TBC1D12: variants seen among roughly 807,000 people sequenced by gnomAD.
TBC1D12 encodes TBC1 domain family member 12.
In TBC1D12, 56 loss-of-function variants were observed where a neutral mutation model predicts 86.7. The ratio of observed to expected loss-of-function variants is 0.65; its 90% confidence interval spans 0.52 to 0.81. The LOEUF (loss-of-function observed/expected upper bound fraction) is 0.81. TBC1D12 is among the 30% of genes least tolerant of loss of function. The pLI, the probability that TBC1D12 is intolerant of heterozygous loss-of-function variation, is 0.00. For missense variants in TBC1D12, 1,023 were observed against 1,038.8 expected (o/e 0.98, Z 0.21); for synonymous variants, 421 against 411.7 (o/e 1.02, Z -0.27).
chr10:94,418,906 G>T (rs866454825), intron 1 of TBC1D12, among the ~76,000 whole-genome samples: 5 of 145,424 alleles, frequency 3.4e-5, no homozygotes, highest in Admixed American at 2.1e-4. Context: ...GCAGAGTCTC[G>T]CTCTGTTGCC....
chr10:94,516,648 A>G (rs955120879), intron 9 of TBC1D12, among the ~76,000 whole-genome samples: 8 of 140,170 alleles, frequency 5.7e-5, no homozygotes, highest in Non-Finnish European at 1.5e-5. Flanking sequence ...GTTCCCACCT[A>G]TGAGTGAGAA....
At chr10:94,462,344 A>G (rs558135282) in intron 2 of TBC1D12, among the ~76,000 whole-genome samples, 1 of 152,272 alleles carries the variant, frequency 6.6e-6, no homozygotes, top group South Asian at 2.1e-4. Flanking sequence ...CCTAAATGTA[A>G]ATATTGTGAG....
At chr10:94,480,486 G>A (rs979317749) in intron 3 of TBC1D12, among the ~76,000 whole-genome samples, 7 of 152,044 alleles carry the variant, frequency 4.6e-5, no homozygotes, top group Non-Finnish European at 7.4e-5. Context: ...CACAATAGGT[G>A]TGTGCAAGTC....
At chr10:94,476,132 T>G (rs2055984953) in intron 3 of TBC1D12, among the ~76,000 whole-genome samples, 2 of 152,112 alleles carry the variant, frequency 1.3e-5, no homozygotes, top group Admixed American at 1.3e-4. Context: ...TCTCTCTTTT[T>G]TTTTTTAAAT....
intron 6 of TBC1D12, among the ~76,000 whole-genome samples, chr10:94,503,294 A>G (rs1206069591): frequency 1.3e-5 from 2 of 152,242 alleles, no homozygotes; most frequent in Non-Finnish European, 2.9e-5. Context: ...AAGAGATTAA[A>G]ATGAATGAGA....
intron 12 of TBC1D12, among the ~76,000 whole-genome samples, chr10:94,531,849 G>T (rs1214902567): frequency 2.5e-5 from 3 of 119,558 alleles, no homozygotes; most frequent in East Asian, 2.2e-4. Context: ...TTTATTTTAT[G>T]TTATTTTATT....
intron 2 of TBC1D12, among the ~76,000 whole-genome samples, chr10:94,461,693 C>T (rs1334056577): frequency 6.6e-6 from 1 of 152,008 alleles, no homozygotes; most frequent in East Asian, 1.9e-4. Flanking sequence ...ATCAGTTTGT[C>T]AATTACAGTT....
In TBC1D12 at chr10:94,488,776, GGT is replaced by G. The variant is rs547247692; in HGVS notation, c.1212-4586_1212-4585del. Among the ~76,000 whole-genome samples the G allele has an allele frequency of 3.9e-5, 6 of 152,020 alleles. No individual in the cohort carries two copies. The East Asian group carries it at 1.2e-3, about 30-fold the overall frequency. On this transcript the variant is annotated intron_variant, in intron 3 of 12. Coordinates refer to ENST00000225235, the MANE Select transcript of TBC1D12 (RefSeq NM_015188.2). ...GGCAGCAGGTTCACTTCTATTCTAG[GGT>G]GTCTCTAGAAATGTCATCCAGGAGC...
chr10:94,520,500 G>C (rs1203200765), intron 9 of TBC1D12, among the ~76,000 whole-genome samples: 1 of 151,782 alleles, frequency 6.6e-6, no homozygotes, highest in Admixed American at 6.6e-5. Flanking sequence ...GCAGTGAGCT[G>C]AGATCACACC....
At chr10:94,403,788 A>G (rs1454822480) in intron 1 of TBC1D12, among the ~76,000 whole-genome samples, 2 of 151,918 alleles carry the variant, frequency 1.3e-5, no homozygotes, top group African/African-American at 2.4e-5. Context: ...TCTATAGGAG[A>G]AGTTGTGAGC....
chr10:94,423,763 A>G (rs1245110915), intron 1 of TBC1D12, among the ~76,000 whole-genome samples: 1 of 152,118 alleles, frequency 6.6e-6, no homozygotes, highest in Non-Finnish European at 1.5e-5. Flanking sequence ...GGTACAGTTA[A>G]ATCAGCTCTG....
At chr10:94,424,251 T>C (rs2055118923) in intron 1 of TBC1D12, among the ~76,000 whole-genome samples, 1 of 152,198 alleles carries the variant, frequency 6.6e-6, no homozygotes, top group Admixed American at 6.5e-5. Context: ...GAAATAATAT[T>C]GTAAAGATAA....
rs1381921339 is a variant in TBC1D12, at chr10:94,441,987, A to C, written c.1063A>C (p.Asn355His). The stretch of plus-strand genomic sequence containing the variant: ...ATTTGGTAAAGTCCCTCCTAGAGAG[A>C]ATCTTCAGAAAACATCCAAAATCAT... ...KLFGKVPPRE[N>H]LQKTSKIIQQ... Residue 355 changes from asparagine (N) to histidine (H), a missense_variant, in exon 2 of 13, where the codon AAT (asparagine) becomes CAT (histidine). Coordinates refer to ENST00000225235, the MANE Select transcript of TBC1D12 (RefSeq NM_015188.2). 2 of 1,612,874 alleles carry C rather than the reference A, an allele frequency of 1.2e-6. No individual in the cohort carries two copies. The highest frequency in any genetic ancestry group is 2.2e-5 in the East Asian group (1 of 44,736).
chr10:94,448,836 T>C (rs960879378), intron 2 of TBC1D12, among the ~76,000 whole-genome samples: 1 of 152,350 alleles, frequency 6.6e-6, no homozygotes, highest in East Asian at 1.9e-4. Flanking sequence ...TTTATTTACC[T>C]CATCTGTTAT....
intron 1 of TBC1D12, among the ~76,000 whole-genome samples, chr10:94,404,540 G>A (rs1304163832): frequency 6.6e-6 from 1 of 151,766 alleles, no homozygotes; most frequent in African/African-American, 2.4e-5. Flanking sequence ...CAGCTACTCG[G>A]GATGCTGAGG....
intron 1 of TBC1D12, among the ~76,000 whole-genome samples, chr10:94,438,072 A>AG (rs2055330771): frequency 7.5e-6 from 1 of 132,626 alleles, no homozygotes; most frequent in Non-Finnish European, 1.5e-5. Flanking sequence ...TCCTCAGGGA[A>AG]GATTTTTGTC....
At chr10:94,502,485 T>C (rs2056410917) in intron 6 of TBC1D12, among the ~76,000 whole-genome samples, 1 of 151,812 alleles carries the variant, frequency 6.6e-6, no homozygotes, top group South Asian at 2.1e-4. Context: ...CGGATAGGTC[T>C]CTTGAGCCCA....
intron 3 of TBC1D12, among the ~76,000 whole-genome samples, chr10:94,478,643 C>T (rs1204701948): frequency 6.6e-6 from 1 of 152,188 alleles, no homozygotes; most frequent in Non-Finnish European, 1.5e-5. Flanking sequence ...ATTGCTTAAT[C>T]ATATACCAAT....
In TBC1D12 at chr10:94,522,245, A is replaced by T. The variant is rs552339831; in HGVS notation, c.1891-99A>T. ...CTGAGAAGACTCAGAAAAAGATGAG[A>T]TTCTTAATGAGCACGATTTCCTGTT... is the stretch of plus-strand genomic sequence containing the variant. On this transcript the variant is annotated intron_variant, in intron 10 of 12. Transcript: ENST00000225235. 284 of 1,113,968 alleles carry T rather than the reference A, an allele frequency of 2.5e-4. 4 individuals carry two copies. The South Asian group carries it at 4.6e-3, about 18-fold the overall frequency. The allele number at this position is 1,113,968 out of a possible 1,614,324, so 69.0% of individuals were successfully genotyped here. A position where few individuals can be genotyped will look rare whatever the true frequency, so the allele number is the denominator to read the frequency against.
Sources: gnomAD v4.1 joint callset for allele counts (sites outside exome capture counted in the v4.1 genomes callset) on GRCh38, gnomAD v4.1.1 for gene constraint, MANE v1.5 for transcripts, NCBI Gene and HGNC (gene_info 2026-07-23, HGNC 2026-07-21) for gene names.